The following MMEL1 variants were observed in gnomAD, a reference collection of about 807,000 sequenced individuals.
MMEL1 encodes the protein membrane metallo-endopeptidase-like 1.
MMEL1 carries 98 observed loss-of-function variants against 117.1 expected under a neutral mutation model. The observed-to-expected ratio is 0.84, with a 90% CI of 0.71 to 0.99. MMEL1 has a LOEUF of 0.99. Among genes scored for constraint, MMEL1 ranks in the 50% least tolerant of loss-of-function variants. MMEL1 has a pLI of 0.00. For synonymous variants in MMEL1, 390 were observed against 415.1 expected, an observed-to-expected ratio of 0.94 and a Z score of 0.74; for missense variants, 1,014 against 1,049.1, an observed-to-expected ratio of 0.97 and a Z score of 0.46.
chr1:2,595,433 T>G lies in MMEL1; in HGVS notation c.1501-74A>C. The G allele has an allele frequency of 2.3e-6, 3 of 1,318,618 alleles. No homozygotes were observed. Among genetic ancestry groups the G allele is most frequent in the Non-Finnish European group, 3.3e-6 (3 of 915,918 alleles). 81.7% of individuals were successfully genotyped at this position (1,318,618 alleles called of 1,614,324 possible). On this transcript the variant is annotated intron_variant, in intron 15 of 23. Transcript: ENST00000378412. The surrounding 1 kb of genome is among the most constrained non-coding windows in gnomAD (Gnocchi z 4.8). Reference sequence around the variant, plus strand: ...GTCAGCCCGGGGGCCGGTCAGTGAGTGCCACACTGTGGGAGGGGTCAGCCC... The same window carrying G: ...GTCAGCCCGGGGGCCGGTCAGTGAGGGCCACACTGTGGGAGGGGTCAGCCC...
At chr1:2,620,027 A>G (rs977479724) in intron 2 of MMEL1, among the ~76,000 whole-genome samples, 3 of 152,224 alleles carry the variant, frequency 2.0e-5, no homozygotes, top group Non-Finnish European at 2.9e-5. Flanking sequence ...AACGGGTACA[A>G]TTTTCCAACA....
At chr1:2,593,027 G>A (rs537504040) in intron 19 of MMEL1, 61 bp from the exon 20 acceptor site, 533 of 1,585,094 alleles carry the variant, frequency 3.4e-4, no homozygotes, top group Non-Finnish European at 4.1e-4. Flanking sequence ...CTGGCCCCAC[G>A]GCAGCCACTG....
rs771427650 is a variant in MMEL1 at position 2,591,953 on chromosome 1, G to C, written c.2142C>G (p.Leu714=). The C allele has an allele frequency of 5.1e-5, 83 of 1,613,294 alleles. No individual in the cohort carries two copies. Among genetic ancestry groups the C allele is most frequent in the Non-Finnish European group, 6.9e-5 (81 of 1,179,828 alleles). The change falls in exon 22 of 24, where the codon CTC becomes CTG. Residue 714 remains leucine (L), a synonymous_variant. Coordinates refer to ENST00000378412, the MANE Select transcript of MMEL1 (RefSeq NM_033467.4). ...LPGLDLTHEQ[L]FFINYAQVWC... is the part of the protein sequence containing the mutation. ...CCACCTGGGCATAGTTGATGAAGAA[G>C]AGCTGCTCATGGGTGAGATCCAGGC...
chr1:2,596,447 G>A (rs2100931071), intron 14 of MMEL1, 114 bp downstream of exon 14: 1 of 1,432,268 alleles, frequency 7.0e-7, no homozygotes. Flanking sequence ...CCTCTGTCTG[G>A]TGAGCTGGGG....
chr1:2,611,104 A>G (rs1028135166), intron 4 of MMEL1, among the ~76,000 whole-genome samples, 177 bp downstream of exon 4: 3 of 152,180 alleles, frequency 2.0e-5, no homozygotes, highest in African/African-American at 7.2e-5. Flanking sequence ...CGGACGCCAG[A>G]TGCCAGAAAC....
chr1:2,594,573 G>T, intron 17 of MMEL1, 130 bp from the exon 18 acceptor site: 1 of 1,205,908 alleles, frequency 8.3e-7, no homozygotes. Context: ...CCCAAGATCT[G>T]GTTCCTTCCT....
intron 11 of MMEL1, among the ~76,000 whole-genome samples, chr1:2,599,304 G>A (rs188592323): frequency 3.3e-3 from 504 of 152,276 alleles, no homozygotes; most frequent in Non-Finnish European, 5.2e-3. Context: ...AGCCAGTCTC[G>A]TTTATGTCAT....
At chr1:2,598,456 T>C (rs1461121404) in intron 12 of MMEL1, among the ~76,000 whole-genome samples, 156 bp from the exon 13 acceptor site, 1 of 152,194 alleles carries the variant, frequency 6.6e-6, no homozygotes, top group East Asian at 1.9e-4. Context: ...ATCCAGCCCA[T>C]CTGCCCCGGG....
chr1:2,592,257 C>G (rs142446411), intron 21 of MMEL1, among the ~76,000 whole-genome samples: 1,770 of 150,968 alleles, frequency 0.012, 123 homozygotes, highest in Admixed American at 0.021. Context: ...CCACTGCACA[C>G]CACCTGTCCC....
At chr1:2,603,061 G>A (rs1281655112) in intron 11 of MMEL1, among the ~76,000 whole-genome samples, 4 of 152,182 alleles carry the variant, frequency 2.6e-5, no homozygotes, top group Non-Finnish European at 5.9e-5. Context: ...TGTCCCCGCA[G>A]GCCAGCCCTG....
intron 6 of MMEL1, among the ~76,000 whole-genome samples, chr1:2,608,358 G>T (rs1645063520): frequency 2.0e-5 from 3 of 152,190 alleles, no homozygotes; most frequent in African/African-American, 4.8e-5. Flanking sequence ...GTGCTGGGCC[G>T]GGGGTGCTCC....
Position 2,593,947 on chromosome 1 carries a change from C to G in MMEL1, c.1748-14G>C. The G allele has an allele frequency of 6.3e-7, 1 of 1,587,558 alleles. No individual in the cohort carries two copies. Among genetic ancestry groups the G allele is most frequent in the Admixed American group, 1.8e-5 (1 of 56,102 alleles). On this transcript the variant is annotated splice_polypyrimidine_tract_variant and intron_variant, in intron 18 of 23. Transcript: ENST00000378412. ...CGGCAGGGAATACTGTCCCCAAGGGCGGGACAAAGAATAAGCTGTGAGTGG... is the reference window on the plus strand; with the variant it reads ...CGGCAGGGAATACTGTCCCCAAGGGGGGGACAAAGAATAAGCTGTGAGTGG...
Position 2,603,887 on chromosome 1 carries a change from C to G in MMEL1, c.1038G>C (p.Leu346=), listed in dbSNP as rs1644974569. The G allele has an allele frequency of 3.1e-6, 5 of 1,613,468 alleles. No individual in the cohort carries two copies. The South Asian group carries it at 5.5e-5, about 18-fold the overall frequency. Residue 346 remains leucine (L), a synonymous_variant, in exon 11 of 24, where the codon CTG becomes CTC. Coordinates refer to ENST00000378412, the MANE Select transcript of MMEL1 (RefSeq NM_033467.4). ...GLEELQSQFG[L]KGFNWTLFIQ... is the part of the protein sequence containing the mutation. ...CTCCTGTGTGGTGTGGCCTCACCTT[C>G]AGGCCAAACTGGCTTTGCAGCTCCT...
Position 2,631,040 on chromosome 1 carries a change from G to T in MMEL1, c.-37-1519C>A, listed in dbSNP as rs529574725. ...GTGCATGTGCATGATTGTGTGTGTGGGTGTGCACGTGTGTGCGTGTGCTCT... is the reference window on the plus strand; with the variant it reads ...GTGCATGTGCATGATTGTGTGTGTGTGTGTGCACGTGTGTGCGTGTGCTCT... On this transcript the variant is annotated intron_variant, in intron 1 of 23. Transcript: ENST00000378412. Among the ~76,000 whole-genome samples, 36 of 148,618 alleles carry T rather than the reference G, an allele frequency of 2.4e-4. 1 individual carries two copies. Among genetic ancestry groups the T allele is most frequent in the Admixed American group, 1.9e-3 (29 of 15,096 alleles).
Position 2,592,853 on chromosome 1 carries a change from C to T in MMEL1, c.1981G>A (p.Asp661Asn), listed in dbSNP as rs751926236. The T allele has an allele frequency of 6.8e-6, 11 of 1,613,550 alleles. No homozygotes were observed. In the African/African-American group the frequency reaches 8.0e-5, roughly 12 times the overall value. ...CTCACGTTCTGTTCGTCTGCCAGGT[C>T]CCAGGAGTAGTTGCCGTACTGGTAG... is the stretch of plus-strand genomic sequence containing the variant. ...MIYQYGNYSW[D>N]LADEQNVNGF... Residue 661 changes from aspartate (D) to asparagine (N), a missense_variant, in exon 20 of 24, where the codon GAC becomes AAC. Coordinates refer to ENST00000378412, the MANE Select transcript of MMEL1 (RefSeq NM_033467.4).
intron 1 of MMEL1, among the ~76,000 whole-genome samples, chr1:2,632,284 C>T (rs573448849): frequency 1.3e-5 from 2 of 152,352 alleles, no homozygotes; most frequent in Admixed American, 1.3e-4. Context: ...GGAACGTCAG[C>T]TCCACGGGCA....
chr1:2,596,613 G>A lies in MMEL1; in HGVS notation c.1349C>T (p.Ala450Val). 17 of 1,613,036 alleles carry A rather than the reference G, an allele frequency of 1.1e-5. No homozygotes were observed. Among genetic ancestry groups the A allele is most frequent in the Non-Finnish European group, 1.4e-5 (17 of 1,179,842 alleles). Residue 450 changes from alanine (A) to valine (V), a missense_variant, in exon 14 of 24, where the codon GCC becomes GTC. Physicochemically the swap from Ala to Val is moderately conservative, Grantham distance 64 (BLOSUM62 0). Coordinates refer to ENST00000378412, the MANE Select transcript of MMEL1 (RefSeq NM_033467.4). ...CTCCCTGACGTAGAGGGAGCCCACG[G>A]CGTTCTCCATGTTGCTGTTGACGTA... The part of the protein sequence containing the change: ...VGYVNSNMEN[A>V]VGSLYVREAF...
chr1:2,603,009 C>A (rs1316968243), intron 11 of MMEL1, among the ~76,000 whole-genome samples: 1 of 152,206 alleles, frequency 6.6e-6, no homozygotes, highest in African/African-American at 2.4e-5. Context: ...AGAGCCTGGC[C>A]CCACTGCGTG....
chr1:2,591,076 G>A lies in MMEL1; in HGVS notation c.2254C>T (p.Leu752=). The A allele has an allele frequency of 6.2e-7, 1 of 1,601,698 alleles. No homozygotes were observed. The highest frequency in any genetic ancestry group is 1.1e-5 in the South Asian group (1 of 88,646). Residue 752 remains leucine (L), a synonymous_variant, in exon 24 of 24, where the codon CTG becomes TTG. Coordinates refer to ENST00000378412, the MANE Select transcript of MMEL1 (RefSeq NM_033467.4). ...TCTGCGAAGGCGGCCAGGTTCTGCA[G>A]CGACCCCAGTACCCTGTGGGTGGGT... ...SPLKYRVLGS[L]QNLAAFADTF... is the part of the protein sequence containing the mutation.
Sources: gnomAD v4.1 joint callset for allele counts (sites outside exome capture counted in the v4.1 genomes callset) on GRCh38, gnomAD v4.1.1 for gene constraint, Gnocchi (gnomAD v3.1) non-coding constraint, MANE v1.5 for transcripts, NCBI Gene and HGNC (gene_info 2026-07-23, HGNC 2026-07-21) for gene names.